XKR4: variants seen among roughly 807,000 people sequenced by gnomAD.
XKR4 encodes XK-related protein 4.
Under a neutral mutation model 53.9 loss-of-function variants are expected in XKR4, and 12 were observed. The observed-to-expected ratio is 0.22, with a 90% CI of 0.14 to 0.36. The LOEUF is 0.36. Ranked by LOEUF, XKR4 falls within the 10% of genes least tolerant of loss-of-function variation. The pLI is 1.00. For missense variants in XKR4, 799 were observed against 859.5 expected (o/e 0.93, Z 0.88); for synonymous variants, 354 against 362.4 (o/e 0.98, Z 0.26).
At chr8:55,404,253 A>G (rs1239240321) in intron 2 of XKR4, among the ~76,000 whole-genome samples, 2 of 152,132 alleles carry the variant, frequency 1.3e-5, no homozygotes, top group Non-Finnish European at 2.9e-5. Context: ...AGATAGGTAG[A>G]TAGATGACAG....
intron 2 of XKR4, among the ~76,000 whole-genome samples, chr8:55,368,840 TAC>T (rs1358444859): frequency 2.0e-5 from 3 of 152,204 alleles, no homozygotes; most frequent in Non-Finnish European, 4.4e-5. Flanking sequence ...GACTAGCCAA[TAC>T]AGACTGCTCA....
intron 2 of XKR4, chr8:55,452,528 C>A: frequency 1.5e-6 from 1 of 666,694 alleles, no homozygotes; most frequent in East Asian, 2.7e-5. Flanking sequence ...ACAGCAGGTG[C>A]AGCCTCAATA....
chr8:55,339,361 G>A (rs1013915925), intron 1 of XKR4, among the ~76,000 whole-genome samples: 6 of 152,178 alleles, frequency 3.9e-5, no homozygotes, highest in Non-Finnish European at 5.9e-5. Context: ...TAAGGCTTCC[G>A]AGAAGGCTAA....
intron 2 of XKR4, among the ~76,000 whole-genome samples, chr8:55,479,558 A>T (rs1227034207): frequency 6.6e-6 from 1 of 152,166 alleles, no homozygotes; most frequent in Non-Finnish European, 1.5e-5. Flanking sequence ...TCAGAGGAGA[A>T]CTGAAGGAAA....
Position 55,115,787 on chromosome 8 carries a change from C to A in XKR4, c.806+12493C>A, listed in dbSNP as rs192332258. Among the ~76,000 whole-genome samples, 315 of 152,236 alleles carry A rather than the reference C, an allele frequency of 2.1e-3. 1 individual carries two copies. Among genetic ancestry groups the A allele is most frequent in the African/African-American group, 6.5e-3 (271 of 41,554 alleles). ...CAGAGCTTCATCTCACACACACACA[C>A]AAAAAGTCCATTATTTTATGGTTTT... On this transcript the variant is annotated intron_variant, in intron 1 of 2. Coordinates refer to ENST00000327381, the MANE Select transcript of XKR4 (RefSeq NM_052898.2).
intron 1 of XKR4, among the ~76,000 whole-genome samples, chr8:55,206,681 G>C (rs186184003): frequency 3.5e-4 from 53 of 152,248 alleles, no homozygotes; most frequent in African/African-American, 1.2e-3. Context: ...AAGTTAGACT[G>C]TTCACCTTAG....
intron 1 of XKR4, among the ~76,000 whole-genome samples, chr8:55,205,464 C>T (rs570357145): frequency 1.3e-5 from 2 of 152,172 alleles, no homozygotes; most frequent in East Asian, 1.9e-4. Flanking sequence ...AACAAATGTA[C>T]TTAGGATGAC....
intron 1 of XKR4, among the ~76,000 whole-genome samples, chr8:55,272,235 C>A (rs1414308512): frequency 6.6e-6 from 1 of 152,102 alleles, no homozygotes; most frequent in African/African-American, 2.4e-5. Context: ...GCTATCAGAG[C>A]AAGAACACAA....
rs567097116 is a variant in XKR4, at chr8:55,383,483, C to A, written c.1006+25606C>A. On this transcript the variant is annotated intron_variant, in intron 2 of 2. Transcript: ENST00000327381. ...GTATACGGGGAACCGTTAAGTTAAT[C>A]CTGGTTTAGGCATTCTGATTATGTA... Among the ~76,000 whole-genome samples the A allele has an allele frequency of 2.3e-3, 351 of 152,274 alleles. 1 individual carries two copies. Among genetic ancestry groups the A allele is most frequent in the Non-Finnish European group, 4.2e-3 (288 of 68,010 alleles).
intron 1 of XKR4, among the ~76,000 whole-genome samples, chr8:55,300,576 T>C (rs963827212): frequency 6.6e-6 from 1 of 151,708 alleles, no homozygotes; most frequent in African/African-American, 2.4e-5. Context: ...GAATAGAAAG[T>C]GAGTCTATGG....
intron 2 of XKR4, among the ~76,000 whole-genome samples, chr8:55,367,110 T>C (rs1207745890): frequency 2.6e-5 from 4 of 152,160 alleles, no homozygotes; most frequent in Admixed American, 2.6e-4. Flanking sequence ...GTTTTCAGCA[T>C]CACAGAAGCC....
chr8:55,286,234 A>T (rs1294290489), intron 1 of XKR4, among the ~76,000 whole-genome samples: 4 of 152,220 alleles, frequency 2.6e-5, no homozygotes, highest in Non-Finnish European at 5.9e-5. Flanking sequence ...CTCAGACATA[A>T]TGAGATCATC....
intron 1 of XKR4, among the ~76,000 whole-genome samples, chr8:55,190,808 G>A (rs1358096452): frequency 2.6e-5 from 4 of 152,120 alleles, no homozygotes; most frequent in South Asian, 2.1e-4. Context: ...ATGGAAACTC[G>A]TACATGACGT....
intron 2 of XKR4, chr8:55,454,771 G>C (rs1585582897): frequency 1.3e-6 from 1 of 778,856 alleles, no homozygotes; most frequent in African/African-American, 1.7e-5. Context: ...AGGTACCAGC[G>C]TCTTTGGGGC....
intron 1 of XKR4, among the ~76,000 whole-genome samples, chr8:55,338,209 A>G (rs1033967728): frequency 1.4e-4 from 21 of 152,194 alleles, no homozygotes; most frequent in Admixed American, 9.2e-4. Context: ...TAAAATTTGC[A>G]TCTTTTATTT....
At chr8:55,192,133 G>A (rs1197277190) in intron 1 of XKR4, among the ~76,000 whole-genome samples, 1 of 150,608 alleles carries the variant, frequency 6.6e-6, no homozygotes, top group African/African-American at 2.4e-5. Flanking sequence ...ATATACTTTT[G>A]TTTTTATGCT....
chr8:55,387,169 T>C (rs1804331904), intron 2 of XKR4, among the ~76,000 whole-genome samples: 1 of 152,224 alleles, frequency 6.6e-6, no homozygotes, highest in Non-Finnish European at 1.5e-5. Flanking sequence ...GTGCATAAAG[T>C]ACCCTATGGT....
chr8:55,146,922 G>C (rs549423970), intron 1 of XKR4, among the ~76,000 whole-genome samples: 107 of 152,312 alleles, frequency 7.0e-4, no homozygotes, highest in Non-Finnish European at 1.2e-3. Context: ...CTCCCTTCTG[G>C]AGAGATGCAC....
At chr8:55,428,982 A>G (rs1805058145) in intron 2 of XKR4, among the ~76,000 whole-genome samples, 1 of 152,246 alleles carries the variant, frequency 6.6e-6, no homozygotes, top group Admixed American at 6.5e-5. Flanking sequence ...ATTCTGGATG[A>G]AAAGAACAAA....
Sources: allele counts gnomAD v4.1 joint callset (sites outside exome capture counted in the v4.1 genomes callset), GRCh38; gene constraint gnomAD v4.1.1; transcripts MANE v1.5; gene names NCBI Gene and HGNC (gene_info 2026-07-23, HGNC 2026-07-21).